GALNT18: variants seen among roughly 807,000 people sequenced by gnomAD.
GALNT18 encodes the protein polypeptide N-acetylgalactosaminyltransferase 18, also known as GalNAc-transferase 18.
Under a neutral mutation model 69.5 loss-of-function variants are expected in GALNT18, and 44 were observed. The observed-to-expected ratio is 0.63, with a 90% CI of 0.50 to 0.81. The LOEUF is 0.81. Among genes scored for constraint, GALNT18 ranks in the 40% least tolerant of loss-of-function variants. GALNT18 has a pLI of 0.00. For missense variants in GALNT18, 715 were observed against 810.0 expected, an observed-to-expected ratio of 0.88 and a Z score of 1.42; for synonymous variants, 364 against 318.2, an observed-to-expected ratio of 1.14 and a Z score of -1.53.
intron 1 of GALNT18, among the ~76,000 whole-genome samples, chr11:11,527,460 C>A (rs951601701): frequency 2.6e-5 from 4 of 152,116 alleles, no homozygotes; most frequent in African/African-American, 9.7e-5. Flanking sequence ...CTGCAATTCA[C>A]AGATTTTTCC....
chr11:11,364,666 TATG>T (rs2133085317), intron 6 of GALNT18, among the ~76,000 whole-genome samples: 1 of 152,268 alleles, frequency 6.6e-6, no homozygotes, highest in Admixed American at 6.5e-5. Context: ...AACAAAAACT[TATG>T]AGAGAATTAG....
In GALNT18 at chr11:11,587,175, A is replaced by G. The variant is rs572235577; in HGVS notation, c.235+34184T>C. Among the ~76,000 whole-genome samples, 10 of 152,322 alleles carry G rather than the reference A, an allele frequency of 6.6e-5. No homozygotes were observed. Among genetic ancestry groups the G allele is most frequent in the Admixed American group, 2.0e-4 (3 of 15,290 alleles). ...TGGCACAGCAATTTGCTCTAGCACT[A>G]TATGACTGGTTCTGATTGGACACTG... is the stretch of plus-strand genomic sequence containing the variant. On this transcript the variant is annotated intron_variant, in intron 1 of 10. Coordinates refer to ENST00000227756, the MANE Select transcript of GALNT18 (RefSeq NM_198516.3). The surrounding 1 kb of genome is among the most constrained non-coding windows in gnomAD (Gnocchi z 4.4).
In GALNT18 at chr11:11,298,123, G is replaced by A. The variant is rs527425490; in HGVS notation, c.1513-4930C>T. 2.6e-5 allele frequency among the ~76,000 whole-genome samples: 4 copies of A among 152,284 alleles called. No individual in the cohort carries two copies. The South Asian group carries it at 8.3e-4, about 32-fold the overall frequency. ...TTCTCCTGACTCTGTCCCTCACCTT[G>A]GGGCAAGGGCCCCCATCCTGCAGGA... On this transcript the variant is annotated intron_variant, in intron 9 of 10. Transcript: ENST00000227756.
Position 11,448,828 on chromosome 11 carries a change from T to C in GALNT18, c.344A>G (p.Lys115Arg), listed in dbSNP as rs754855550. ...GTTGTAGCCGTAGTACTGGAATTGC[T>C]TCAGGGCCACGCGCCGGCCTTCGGG... ...LSPEGRRVALKQFQYYGYNAY... is the reference protein window; with the variant it reads ...LSPEGRRVALRQFQYYGYNAY... The change falls in exon 2 of 11, where the codon AAG becomes AGG. Residue 115 changes from lysine (K) to arginine (R), a missense_variant. Transcript: ENST00000227756. 5.0e-6 allele frequency: 8 copies of C among 1,613,392 alleles called. No individual in the cohort carries two copies. The highest frequency in any genetic ancestry group is 6.8e-6 in the Non-Finnish European group (8 of 1,179,798).
At chr11:11,427,231 A>T (rs1162305238) in intron 3 of GALNT18, among the ~76,000 whole-genome samples, 1 of 152,260 alleles carries the variant, frequency 6.6e-6, no homozygotes, top group African/African-American at 2.4e-5. Context: ...AGGCTCCTAC[A>T]TAACGGCCAC....
In GALNT18 at chr11:11,598,671, T is replaced by C. The variant is rs1859559541; in HGVS notation, c.235+22688A>G. Among the ~76,000 whole-genome samples, 1 of 152,228 alleles carries C rather than the reference T, an allele frequency of 6.6e-6. No homozygotes were observed. The highest frequency in any genetic ancestry group is 2.1e-4 in the South Asian group (1 of 4,826). ...CATGGATATCTTTTGGAGAAACTTTTGTCAACCTATCACAGCTAGGTAATT... is the reference window on the plus strand; with the variant it reads ...CATGGATATCTTTTGGAGAAACTTTCGTCAACCTATCACAGCTAGGTAATT... On this transcript the variant is annotated intron_variant, in intron 1 of 10. Transcript: ENST00000227756. The surrounding 1 kb of genome is among the most constrained non-coding windows in gnomAD (Gnocchi z 4.8).
At chr11:11,477,247 G>T (rs939416853) in intron 1 of GALNT18, among the ~76,000 whole-genome samples, 3 of 152,184 alleles carry the variant, frequency 2.0e-5, no homozygotes, top group Non-Finnish European at 4.4e-5. Context: ...GCCCAGGAAG[G>T]CATCTTTCCA....
At chr11:11,559,206 C>G (rs1191530915) in intron 1 of GALNT18, among the ~76,000 whole-genome samples, 5 of 152,232 alleles carry the variant, frequency 3.3e-5, no homozygotes, top group African/African-American at 4.8e-5. Flanking sequence ...ACTATCCACT[C>G]TTTGAAAATT....
Position 11,420,874 on chromosome 11 carries a change from C to T in GALNT18, c.595+11747G>A, listed in dbSNP as rs12289822. On this transcript the variant is annotated intron_variant, in intron 3 of 10. Coordinates refer to ENST00000227756, the MANE Select transcript of GALNT18 (RefSeq NM_198516.3). The stretch of plus-strand genomic sequence containing the variant: ...CACTCAGCTCCAGTTTGGGGACTTT[C>T]CCTGTTGACAGATGATCACACAGCT... Among the ~76,000 whole-genome samples the T allele has an allele frequency of 5.4e-3, 829 of 152,248 alleles. 13 individuals are homozygous for T. Among genetic ancestry groups the T allele is most frequent in the African/African-American group, 0.019 (769 of 41,544 alleles).
intron 9 of GALNT18, among the ~76,000 whole-genome samples, chr11:11,312,338 T>C (rs10831586): frequency 0.44 from 66,538 of 152,116 alleles, 14,603 homozygotes; most frequent in Admixed American, 0.48. Context: ...AGTTAACACA[T>C]ATTTTGTGTT....
At chr11:11,306,438 T>G (rs1590025164) in intron 9 of GALNT18, among the ~76,000 whole-genome samples, 1 of 152,342 alleles carries the variant, frequency 6.6e-6, no homozygotes, top group East Asian at 1.9e-4. Context: ...GGTGGCTGAT[T>G]TTAATCTGCA....
Position 11,505,546 on chromosome 11 carries a change from A to T in GALNT18, c.236-56610T>A, listed in dbSNP as rs1171488233. The stretch of plus-strand genomic sequence containing the variant: ...AGGAGCTGGCATCATCCTGGGTTGC[A>T]TATTACAGCTTCCATTGCCTTACCA... On this transcript the variant is annotated intron_variant, in intron 1 of 10. Coordinates refer to ENST00000227756, the MANE Select transcript of GALNT18 (RefSeq NM_198516.3). This position sits in a 1 kb window ranked among gnomAD's most constrained non-coding sequence, Gnocchi z 4.6. 6.6e-6 allele frequency among the ~76,000 whole-genome samples: 1 copy of T among 152,132 alleles called. No homozygotes were observed. The highest frequency in any genetic ancestry group is 1.5e-5 in the Non-Finnish European group (1 of 68,020).
intron 9 of GALNT18, among the ~76,000 whole-genome samples, chr11:11,326,366 G>T (rs1324708478): frequency 6.6e-6 from 1 of 152,134 alleles, no homozygotes; most frequent in Non-Finnish European, 1.5e-5. Context: ...TTAAATCATT[G>T]TGTACTTCTG....
In GALNT18 at chr11:11,480,809, G is replaced by A. The variant is rs990400384; in HGVS notation, c.236-31873C>T. On this transcript the variant is annotated intron_variant, in intron 1 of 10. Coordinates refer to ENST00000227756, the MANE Select transcript of GALNT18 (RefSeq NM_198516.3). The surrounding 1 kb of genome is among the most constrained non-coding windows in gnomAD (Gnocchi z 4.6). ...GTTATTAAGTGCTATGTGATAGAAG[G>A]TTCTGTGGTGAAATGGCTAAGGGAA... 4.6e-5 allele frequency among the ~76,000 whole-genome samples: 7 copies of A among 152,156 alleles called. No homozygotes were observed.
At chr11:11,572,059 G>C (rs559171488) in intron 1 of GALNT18, among the ~76,000 whole-genome samples, 4 of 152,352 alleles carry the variant, frequency 2.6e-5, no homozygotes, top group Admixed American at 6.5e-5. Context: ...GCAGATCTGA[G>C]GTGTGGCACA....
At chr11:11,574,590 C>T (rs996246307) in intron 1 of GALNT18, among the ~76,000 whole-genome samples, 8 of 152,180 alleles carry the variant, frequency 5.3e-5, no homozygotes, top group Non-Finnish European at 1.2e-4. Flanking sequence ...CATGACGTCA[C>T]ATGAGGTTTA....
chr11:11,478,765 C>T (rs953747820), intron 1 of GALNT18, among the ~76,000 whole-genome samples: 2 of 151,020 alleles, frequency 1.3e-5, no homozygotes, highest in African/African-American at 2.4e-5. Context: ...GGAGTTGAAG[C>T]GAGCAGAGCA....
chr11:11,508,717 G>C (rs1490557747), intron 1 of GALNT18, among the ~76,000 whole-genome samples: 2 of 152,164 alleles, frequency 1.3e-5, no homozygotes, highest in African/African-American at 4.8e-5. Flanking sequence ...TGATAATGAA[G>C]CCTTTGGCAC....
chr11:11,559,774 G>A (rs1335398327), intron 1 of GALNT18, among the ~76,000 whole-genome samples: 1 of 149,146 alleles, frequency 6.7e-6, no homozygotes, highest in Non-Finnish European at 1.5e-5. Context: ...GGAACAGAAT[G>A]GGATATGATG....
Sources: gnomAD v4.1 joint callset for allele counts (sites outside exome capture counted in the v4.1 genomes callset) on GRCh38, gnomAD v4.1.1 for gene constraint, Gnocchi (gnomAD v3.1) non-coding constraint, MANE v1.5 for transcripts, NCBI Gene and HGNC (gene_info 2026-07-23, HGNC 2026-07-21) for gene names.